HS6ST2: variants seen among roughly 807,000 people sequenced by gnomAD.
HS6ST2 encodes the protein heparan-sulfate 6-O-sulfotransferase 2.
HS6ST2 carries 17 observed loss-of-function variants against 33.0 expected under a neutral mutation model. The observed-to-expected ratio is 0.52, with a 90% CI of 0.35 to 0.77. The LOEUF (loss-of-function observed/expected upper bound fraction) is 0.77, where lower values mean the gene tolerates loss of function less well. Among genes scored for constraint, HS6ST2 ranks in the 30% least tolerant of loss-of-function variants. The pLI is 0.01. For missense variants in HS6ST2, 519 were observed against 551.7 expected, an observed-to-expected ratio of 0.94 and a Z score of 0.59; for synonymous variants, 248 against 237.1, an observed-to-expected ratio of 1.05 and a Z score of -0.42.
At chrX:132,669,982 G>A (rs2063850334) in intron 3 of HS6ST2, 1 of 111,945 alleles carries the variant, frequency 8.9e-6, no homozygotes, top group African/African-American at 3.3e-5. Context: ...CAGTTCAGCT[G>A]CTCTGCCTTG....
At chrX:132,657,724 C>T (rs2063741154) in intron 4 of HS6ST2, among the ~76,000 whole-genome samples, 1 of 105,975 alleles carries the variant, frequency 9.4e-6, no homozygotes, top group African/African-American at 3.4e-5. Flanking sequence ...GGAGAGTGGG[C>T]AGTGGCAGCA....
chrX:132,768,581 A>G (rs916024604), intron 2 of HS6ST2, among the ~76,000 whole-genome samples: 7 of 112,224 alleles, frequency 6.2e-5, no homozygotes, highest in African/African-American at 9.7e-5. Context: ...GAGGAAAATG[A>G]TCATTCACTT....
At chrX:132,888,253 A>AT (rs200777887) in intron 2 of HS6ST2, among the ~76,000 whole-genome samples, 1,443 of 111,355 alleles carry the variant, frequency 0.013, 25 homozygotes, top group African/African-American at 0.045. Context: ...TTAGTTCCAC[A>AT]TGGCTGGGGA....
At chrX:132,833,834 A>G (rs1298700261) in intron 2 of HS6ST2, among the ~76,000 whole-genome samples, 1 of 108,998 alleles carries the variant, frequency 9.2e-6, no homozygotes. Flanking sequence ...TTAGTTACAT[A>G]TGTATATATG....
chrX:132,899,376 T>C (rs2066407134), intron 2 of HS6ST2, among the ~76,000 whole-genome samples: 1 of 111,578 alleles, frequency 9.0e-6, no homozygotes, highest in South Asian at 3.8e-4. Flanking sequence ...AGTCATTATA[T>C]ATATGCTCCC....
intron 2 of HS6ST2, among the ~76,000 whole-genome samples, chrX:132,732,391 AG>A (rs1277499233): frequency 8.9e-6 from 1 of 111,813 alleles, no homozygotes; most frequent in East Asian, 2.8e-4. Flanking sequence ...TAGTTTCGTT[AG>A]GCATAGGAAT....
chrX:132,638,021 A>G (rs1233792961), intron 4 of HS6ST2, among the ~76,000 whole-genome samples: 3 of 91,759 alleles, frequency 3.3e-5, no homozygotes, highest in Non-Finnish European at 6.3e-5. Flanking sequence ...TGGAGAAACA[A>G]TGAGTGGTAG....
At chrX:132,935,996 A>G (rs1337784458) in intron 2 of HS6ST2, among the ~76,000 whole-genome samples, 1 of 89,352 alleles carries the variant, frequency 1.1e-5, no homozygotes, top group Non-Finnish European at 2.2e-5. Context: ...GAAATATTAT[A>G]GATTCTAGGG....
chrX:132,847,872 T>C (rs1320046240), intron 2 of HS6ST2, among the ~76,000 whole-genome samples: 1 of 112,236 alleles, frequency 8.9e-6, no homozygotes, highest in African/African-American at 3.2e-5. Flanking sequence ...TAGACTTGTT[T>C]TGTATGGTTC....
At chrX:132,698,906 C>T (rs1228306191) in intron 3 of HS6ST2, among the ~76,000 whole-genome samples, 2 of 111,931 alleles carry the variant, frequency 1.8e-5, no homozygotes, top group Non-Finnish European at 3.8e-5. Flanking sequence ...CATTAAGAAT[C>T]GTGCTGAATT....
intron 2 of HS6ST2, among the ~76,000 whole-genome samples, chrX:132,946,297 A>G (rs1330277796): frequency 8.9e-6 from 1 of 112,347 alleles, no homozygotes; most frequent in Non-Finnish European, 1.9e-5. Flanking sequence ...ATTATAAATC[A>G]TGCTGCTATA....
intron 2 of HS6ST2, among the ~76,000 whole-genome samples, chrX:132,773,989 A>G (rs1569489291): frequency 8.9e-6 from 1 of 112,545 alleles, no homozygotes; most frequent in Non-Finnish European, 1.9e-5. Context: ...TTGTACTTCA[A>G]TAAAGCTGCT....
chrX:132,684,224 C>CATATATATAT (rs764280543), intron 3 of HS6ST2, among the ~76,000 whole-genome samples: 5 of 94,529 alleles, frequency 5.3e-5, no homozygotes, highest in Non-Finnish European at 1.1e-4. Context: ...CATATATATA[C>CATATATATAT]ATATATATAT....
intron 2 of HS6ST2, among the ~76,000 whole-genome samples, chrX:132,824,867 C>CTA (rs1412631019): frequency 8.9e-6 from 1 of 112,183 alleles, no homozygotes; most frequent in Non-Finnish European, 1.9e-5. Context: ...ATCCACAAGG[C>CTA]TATAGAGGCC....
At chrX:132,771,261 T>G (rs2064896162) in intron 2 of HS6ST2, among the ~76,000 whole-genome samples, 1 of 112,078 alleles carries the variant, frequency 8.9e-6, no homozygotes, top group African/African-American at 3.2e-5. Flanking sequence ...ACACTTTGGG[T>G]TGTGACACTG....
intron 2 of HS6ST2, among the ~76,000 whole-genome samples, chrX:132,889,345 G>C (rs1217029514): frequency 9.0e-6 from 1 of 111,346 alleles, no homozygotes. Context: ...GAGGGATTTT[G>C]GAATTATGAG....
chrX:132,882,820 G>C (rs2066193635), intron 2 of HS6ST2, among the ~76,000 whole-genome samples: 1 of 111,480 alleles, frequency 9.0e-6, no homozygotes, highest in African/African-American at 3.3e-5. Context: ...AATTTATTGA[G>C]AGTTTTTAGC....
chrX:132,806,473 C>G (rs1335181474), intron 2 of HS6ST2, among the ~76,000 whole-genome samples: 2 of 110,022 alleles, frequency 1.8e-5, no homozygotes, highest in East Asian at 2.8e-4. Context: ...AATTCCTGAA[C>G]TATCTATCAC....
intron 3 of HS6ST2, among the ~76,000 whole-genome samples, chrX:132,672,997 A>G (rs1486964514): frequency 8.9e-6 from 1 of 111,871 alleles, no homozygotes; most frequent in Non-Finnish European, 1.9e-5. Context: ...TCTCCTTTGT[A>G]AGCTCTTTTC....
Sources: allele counts gnomAD v4.1 joint callset (sites outside exome capture counted in the v4.1 genomes callset), GRCh38; gene constraint gnomAD v4.1.1; transcripts MANE v1.5; gene names NCBI Gene and HGNC (gene_info 2026-07-23, HGNC 2026-07-21).